The following ITGA11 variants were observed in gnomAD, a reference collection of about 807,000 sequenced individuals.
The protein encoded by ITGA11 is integrin alpha-11.
In ITGA11, 97 loss-of-function variants were observed where a neutral mutation model predicts 141.9. The ratio of observed to expected loss-of-function variants is 0.68; its 90% CI spans 0.58 to 0.81. The LOEUF is 0.81. ITGA11 is among the 30% of genes least tolerant of loss of function. ITGA11 has a pLI of 0.00. For missense variants in ITGA11, 1,387 were observed against 1,559.2 expected (o/e 0.89, Z 1.86); for synonymous variants, 658 against 624.6 (o/e 1.05, Z -0.80).
At chr15:68,339,139 T>C (rs982556095) in intron 11 of ITGA11, among the ~76,000 whole-genome samples, 2 of 152,358 alleles carry the variant, frequency 1.3e-5, no homozygotes, top group Admixed American at 6.5e-5. Flanking sequence ...GCGTTTTGCC[T>C]TTGGGAGGCA....
At chr15:68,374,528 G>C in intron 2 of ITGA11, among the ~76,000 whole-genome samples, 1 of 152,210 alleles carries the variant, frequency 6.6e-6, no homozygotes, top group Non-Finnish European at 1.5e-5. Context: ...CTAGGGTGGT[G>C]CTTCCCCCAA....
intron 1 of ITGA11, among the ~76,000 whole-genome samples, chr15:68,416,878 T>C: frequency 6.6e-6 from 1 of 152,156 alleles, no homozygotes; most frequent in East Asian, 1.9e-4. Flanking sequence ...ATCGCACCAC[T>C]GCACTCCAAA....
At chr15:68,317,227 C>A in intron 21 of ITGA11, 38 bp downstream of exon 21, 15 of 1,426,208 alleles carry the variant, frequency 1.1e-5, no homozygotes, top group Non-Finnish European at 1.5e-5. Context: ...CTCCCAGTGC[C>A]CACCCTGACC....
intron 6 of ITGA11, among the ~76,000 whole-genome samples, chr15:68,358,001 T>C (rs140607572): frequency 9.5e-4 from 144 of 152,328 alleles, no homozygotes; most frequent in African/African-American, 3.2e-3. Flanking sequence ...TTCTAGTCAT[T>C]AGTCCTCACT....
At chr15:68,306,791 G>T (rs1474487954) in intron 28 of ITGA11, among the ~76,000 whole-genome samples, 1 of 152,228 alleles carries the variant, frequency 6.6e-6, no homozygotes, top group Non-Finnish European at 1.5e-5. Context: ...TCTGTAATAG[G>T]AATGTTTGCC....
At chr15:68,406,388 C>T (rs142278800) in intron 1 of ITGA11, among the ~76,000 whole-genome samples, 5 of 152,266 alleles carry the variant, frequency 3.3e-5, no homozygotes, top group Non-Finnish European at 5.9e-5. Context: ...GACCCTCTCG[C>T]TGTCCTTCCA....
intron 2 of ITGA11, among the ~76,000 whole-genome samples, chr15:68,376,586 A>G (rs1407121350): frequency 6.6e-6 from 1 of 152,182 alleles, no homozygotes; most frequent in African/African-American, 2.4e-5. Flanking sequence ...GCTTAGTGGG[A>G]TGCCTGTGAC....
At chr15:68,420,411 C>G (rs1595900330) in intron 1 of ITGA11, among the ~76,000 whole-genome samples, 1 of 152,186 alleles carries the variant, frequency 6.6e-6, no homozygotes, top group African/African-American at 2.4e-5. Flanking sequence ...CAATTTACTC[C>G]TTTCTAAGGT....
chr15:68,342,888 T>C lies in ITGA11; in HGVS notation c.1132-3244A>G, dbSNP rs962843787. Reference sequence around the variant, plus strand: ...GCCCAAGATGTCACTAGGACAGAGGTGGAGGATCCCTGGCGTGGTGGTGAG... The same window carrying C: ...GCCCAAGATGTCACTAGGACAGAGGCGGAGGATCCCTGGCGTGGTGGTGAG... On this transcript the variant is annotated intron_variant, in intron 10 of 29. Transcript: ENST00000315757. Among the ~76,000 whole-genome samples the C allele has an allele frequency of 4.6e-5, 7 of 152,026 alleles. No homozygotes were observed. The East Asian group carries it at 1.3e-3, about 29-fold the overall frequency.
rs748502682 is a variant in ITGA11, at chr15:68,328,047, G to A, written c.2068+49C>T. 1 of 1,557,442 alleles carries A rather than the reference G, an allele frequency of 6.4e-7. No homozygotes were observed. Among genetic ancestry groups the A allele is most frequent in the South Asian group, 1.2e-5 (1 of 83,298 alleles). On this transcript the variant is annotated intron_variant, in intron 16 of 29. Coordinates refer to ENST00000315757, the MANE Select transcript of ITGA11 (RefSeq NM_001004439.2). The surrounding 1 kb of genome is among the most constrained non-coding windows in gnomAD (Gnocchi z 4.8). The stretch of plus-strand genomic sequence containing the variant: ...AGGCTTTGAAATAGAGCAAGGTGCA[G>A]GGGGAGACTGGAGTCTGGGGGTGGG...
intron 26 of ITGA11, 90 bp downstream of exon 26, chr15:68,310,904 C>A (rs1193071223): frequency 1.1e-6 from 1 of 951,690 alleles, no homozygotes; most frequent in South Asian, 1.4e-5. Flanking sequence ...TATTGGCAAG[C>A]TATTGGGTCG....
In ITGA11 at chr15:68,326,018, C is replaced by T. The variant is rs1035124839; in HGVS notation, c.2211+636G>A. Reference sequence around the variant, plus strand: ...GATGAAGATGCTGCTGGTGTGGATGCGTCTCAGGGGGCCCCTTAACAGGGA... The same window carrying T: ...GATGAAGATGCTGCTGGTGTGGATGTGTCTCAGGGGGCCCCTTAACAGGGA... On this transcript the variant is annotated intron_variant, in intron 17 of 29. Transcript: ENST00000315757. This position sits in a 1 kb window ranked among gnomAD's most constrained non-coding sequence, Gnocchi z 6.8. Among the ~76,000 whole-genome samples the T allele has an allele frequency of 1.3e-5, 2 of 152,176 alleles. No individual in the cohort carries two copies. Among genetic ancestry groups the T allele is most frequent in the South Asian group, 2.1e-4 (1 of 4,828 alleles).
intron 7 of ITGA11, among the ~76,000 whole-genome samples, chr15:68,354,459 T>G (rs1895008120): frequency 6.6e-6 from 1 of 152,064 alleles, no homozygotes; most frequent in African/African-American, 2.4e-5. Flanking sequence ...CCCATGCTGG[T>G]TTTAACTACA....
At chr15:68,323,346 T>C (rs1007605824) in intron 18 of ITGA11, among the ~76,000 whole-genome samples, 1 of 152,240 alleles carries the variant, frequency 6.6e-6, no homozygotes, top group African/African-American at 2.4e-5. Context: ...CCACTCAGCA[T>C]ACTGTTTAAG....
intron 7 of ITGA11, among the ~76,000 whole-genome samples, chr15:68,353,924 A>C (rs1025240982): frequency 4.6e-5 from 7 of 151,706 alleles, no homozygotes; most frequent in African/African-American, 1.7e-4. Flanking sequence ...CCCACACTGG[A>C]CTCTTCAATG....
Position 68,361,673 on chromosome 15 carries a change from C to T in ITGA11, c.389G>A (p.Gly130Glu). Residue 130 changes from glycine (G) to glutamate (E), a missense_variant, in exon 5 of 30, where the codon GGG (glycine) becomes GAG (glutamate). Coordinates refer to ENST00000315757, the MANE Select transcript of ITGA11 (RefSeq NM_001004439.2). ...ACSPLWSHEC[G>E]SSYYTTGMCS... is the part of the protein sequence containing the mutation. ...CATCCCTGTGGTGTAGTAGGAGCTCCCACACTCATGAGACCAGAGGGGGCT... is the reference window on the plus strand; with the variant it reads ...CATCCCTGTGGTGTAGTAGGAGCTCTCACACTCATGAGACCAGAGGGGGCT... 1 of 1,609,332 alleles carries T rather than the reference C, an allele frequency of 6.2e-7. No individual in the cohort carries two copies. The highest frequency in any genetic ancestry group is 8.5e-7 in the Non-Finnish European group (1 of 1,177,788).
intron 22 of ITGA11, among the ~76,000 whole-genome samples, chr15:68,315,074 T>TAGACAGGA (rs1567124790): frequency 6.6e-6 from 1 of 151,972 alleles, no homozygotes; most frequent in Non-Finnish European, 1.5e-5. Context: ...GACAGACAGA[T>TAGACAGGA]AGACAGGAAG....
At position 68,304,158 on chromosome 15, in the gene ITGA11, C is replaced by T. The variant is rs1893117347; in HGVS notation, c.3382-273G>A. 6.6e-6 allele frequency among the ~76,000 whole-genome samples: 1 copy of T among 152,216 alleles called. No individual in the cohort carries two copies. The highest frequency in any genetic ancestry group is 6.5e-5 in the Admixed American group (1 of 15,294). On this transcript the variant is annotated intron_variant, in intron 28 of 29. Transcript: ENST00000315757. The surrounding 1 kb of genome is among the most constrained non-coding windows in gnomAD (Gnocchi z 6.1). ...CTCAGGCCCCCGCCACTCCCTGGAT[C>T]CTCCTCCCACCACATGGGCTACTCC... is the stretch of plus-strand genomic sequence containing the variant.
At chr15:68,373,523 C>T (rs925885665) in intron 2 of ITGA11, among the ~76,000 whole-genome samples, 1 of 152,174 alleles carries the variant, frequency 6.6e-6, no homozygotes, top group East Asian at 1.9e-4. Context: ...TGACTGCTTC[C>T]CTGGTTTCCA....
Sources: allele counts gnomAD v4.1 joint callset (sites outside exome capture counted in the v4.1 genomes callset), GRCh38; gene constraint gnomAD v4.1.1; non-coding constraint Gnocchi (gnomAD v3.1); transcripts MANE v1.5; gene names NCBI Gene and HGNC (gene_info 2026-07-23, HGNC 2026-07-21).